The following PEX5L variants were observed in gnomAD, a reference collection of about 807,000 sequenced individuals.
PEX5L encodes peroxisomal biogenesis factor 5 like, also known as PEX5-related protein.
A neutral mutation model predicts 84.0 loss-of-function variants in PEX5L; 30 were observed. The observed-to-expected ratio is 0.36, with a 90% CI of 0.27 to 0.48. The LOEUF is 0.48. Among genes scored for constraint, PEX5L ranks in the 20% least tolerant of loss-of-function variants. The pLI is 0.99. For missense variants in PEX5L, 533 were observed against 754.6 expected, an observed-to-expected ratio of 0.71 and a Z score of 3.44; for synonymous variants, 270 against 283.1, an observed-to-expected ratio of 0.95 and a Z score of 0.46.
intron 7 of PEX5L, among the ~76,000 whole-genome samples, chr3:179,869,997 C>A (rs1749723419): frequency 6.6e-6 from 1 of 152,116 alleles, no homozygotes; most frequent in Admixed American, 6.5e-5. Flanking sequence ...TACTGTTGTG[C>A]CAATCATGGA....
chr3:179,937,676 T>C (rs1299080577), intron 2 of PEX5L, among the ~76,000 whole-genome samples: 1 of 152,172 alleles, frequency 6.6e-6, no homozygotes, highest in Admixed American at 6.5e-5. Context: ...GGTCAGCTCT[T>C]TGGCTTGGGG....
chr3:179,938,150 G>A (rs566157058), intron 2 of PEX5L, among the ~76,000 whole-genome samples: 1 of 152,224 alleles, frequency 6.6e-6, no homozygotes, highest in African/African-American at 2.4e-5. Context: ...ACTCTGCAGA[G>A]GTGAACATAC....
intron 2 of PEX5L, among the ~76,000 whole-genome samples, chr3:179,938,258 C>T (rs931283052): frequency 6.6e-6 from 1 of 152,162 alleles, no homozygotes; most frequent in East Asian, 1.9e-4. Flanking sequence ...AAAATGTGGG[C>T]TGGCTGATTA....
intron 2 of PEX5L, among the ~76,000 whole-genome samples, chr3:179,899,732 AGTTT>A (rs757849523): frequency 2.6e-5 from 4 of 152,140 alleles, no homozygotes; most frequent in Non-Finnish European, 4.4e-5. Context: ...CAATGCTGAA[AGTTT>A]GTTTCTTTGT....
chr3:179,953,327 G>T (rs993666875), intron 2 of PEX5L, among the ~76,000 whole-genome samples: 1 of 152,128 alleles, frequency 6.6e-6, no homozygotes, highest in African/African-American at 2.4e-5. Flanking sequence ...CCTACAGAAT[G>T]GGAGAACATT....
At chr3:179,820,132 G>C in intron 8 of PEX5L, 156 bp from the exon 9 acceptor site, 1 of 930,332 alleles carries the variant, frequency 1.1e-6, no homozygotes, top group South Asian at 1.7e-5. Flanking sequence ...CTTCTGGAGG[G>C]TACTCACTGG....
intron 4 of PEX5L, 129 bp downstream of exon 4, chr3:179,887,544 A>G: frequency 1.5e-6 from 1 of 682,464 alleles, no homozygotes; most frequent in Non-Finnish European, 2.6e-6. Context: ...GCTAAATAGT[A>G]TACATTCTAA....
intron 2 of PEX5L, among the ~76,000 whole-genome samples, chr3:179,955,734 T>C (rs1780365593): frequency 1.3e-5 from 2 of 152,136 alleles, no homozygotes; most frequent in Admixed American, 1.3e-4. Context: ...ATATAATCTT[T>C]TGGGGCAGTT....
chr3:179,967,532 T>C (rs2140654), intron 2 of PEX5L, among the ~76,000 whole-genome samples: 119,177 of 152,098 alleles, frequency 0.78, 47,232 homozygotes, highest in East Asian at 0.94. Context: ...AAACTGAGCT[T>C]AGAGAGGTTC....
intron 1 of PEX5L, among the ~76,000 whole-genome samples, chr3:179,995,133 T>C (rs957264302): frequency 6.8e-6 from 1 of 148,028 alleles, no homozygotes. Context: ...ATATACACTA[T>C]ATATACACAC....
intron 1 of PEX5L, among the ~76,000 whole-genome samples, chr3:179,980,454 G>A (rs916975173): frequency 6.6e-6 from 1 of 152,070 alleles, no homozygotes; most frequent in Admixed American, 6.5e-5. Flanking sequence ...CTTGACAACT[G>A]CAGGCATCCT....
chr3:179,879,922 G>A lies in PEX5L; in HGVS notation c.505+7C>T. 2 of 1,559,168 alleles carry A rather than the reference G, an allele frequency of 1.3e-6. No homozygotes were observed. The highest frequency in any genetic ancestry group is 2.5e-5 in the South Asian group (2 of 81,490). ...TGAGCATCCATAGCCGCAAGCGATTGCCTTACCTAGATCTAAGGATGAAGT... is the reference window on the plus strand; with the variant it reads ...TGAGCATCCATAGCCGCAAGCGATTACCTTACCTAGATCTAAGGATGAAGT... On this transcript the variant is annotated splice_region_variant and intron_variant, in intron 5 of 14. Transcript: ENST00000467460.
intron 2 of PEX5L, among the ~76,000 whole-genome samples, chr3:179,963,395 T>A (rs1782551937): frequency 6.6e-6 from 1 of 152,206 alleles, no homozygotes; most frequent in African/African-American, 2.4e-5. Flanking sequence ...TCTTTGGAAG[T>A]ACTTCAATTT....
chr3:179,982,140 T>C (rs1352211133), intron 1 of PEX5L, among the ~76,000 whole-genome samples: 1 of 152,122 alleles, frequency 6.6e-6, no homozygotes, highest in African/African-American at 2.4e-5. Context: ...ATTGGCAAGG[T>C]AAGGTAGAGT....
chr3:179,906,295 T>C (rs1217840227), intron 2 of PEX5L, among the ~76,000 whole-genome samples: 1 of 152,226 alleles, frequency 6.6e-6, no homozygotes, highest in African/African-American at 2.4e-5. Context: ...GCAATAGCAC[T>C]TGATCTTCAT....
At chr3:179,829,323 A>G (rs1025559667) in intron 8 of PEX5L, among the ~76,000 whole-genome samples, 1 of 152,198 alleles carries the variant, frequency 6.6e-6, no homozygotes, top group Non-Finnish European at 1.5e-5. Context: ...ATGACCAAAA[A>G]CTTTTAAGTT....
At chr3:179,830,108 A>G (rs73058627) in intron 8 of PEX5L, among the ~76,000 whole-genome samples, 2,475 of 151,914 alleles carry the variant, frequency 0.016, 70 homozygotes, top group African/African-American at 0.057. Context: ...AACTTGCTAT[A>G]TCTAAAGCCC....
At chr3:179,842,748 T>A (rs1003342223) in intron 8 of PEX5L, among the ~76,000 whole-genome samples, 4 of 152,074 alleles carry the variant, frequency 2.6e-5, no homozygotes, top group African/African-American at 4.8e-5. Flanking sequence ...AATTAGAGGA[T>A]GAAAATACGT....
intron 2 of PEX5L, among the ~76,000 whole-genome samples, chr3:179,919,864 A>G (rs2109372669): frequency 6.6e-6 from 1 of 152,066 alleles, no homozygotes; most frequent in South Asian, 2.1e-4. Context: ...CACCATGCTC[A>G]GCTAATTTTT....
Sources: allele counts gnomAD v4.1 joint callset (sites outside exome capture counted in the v4.1 genomes callset), GRCh38; gene constraint gnomAD v4.1.1; transcripts MANE v1.5; gene names NCBI Gene and HGNC (gene_info 2026-07-23, HGNC 2026-07-21).